The following UGT2A1 variants were observed in gnomAD, a reference collection of about 807,000 sequenced individuals.
UGT2A1 encodes the protein UDP-glucuronosyltransferase 2A1.
A neutral mutation model predicts 45.4 loss-of-function variants in UGT2A1; 61 were observed. The ratio of observed to expected loss-of-function variants is 1.34; its 90% confidence interval spans 1.09 to 1.66. The LOEUF (loss-of-function observed/expected upper bound fraction) is 1.66. Among genes scored for constraint, UGT2A1 ranks in the 40% most tolerant of loss-of-function variants. The pLI is 0.00. For missense variants in UGT2A1, 649 were observed against 574.3 expected, an observed-to-expected ratio of 1.13 and a Z score of -1.33; for synonymous variants, 229 against 196.2, an observed-to-expected ratio of 1.17 and a Z score of -1.40.
At chr4:69,638,873 T>G in intron 2 of UGT2A1, 1 of 1,523,398 alleles carries the variant, frequency 6.6e-7, no homozygotes, top group East Asian at 2.3e-5. Context: ...TGTGGAGTCA[T>G]TAAAAAGAGA....
At chr4:69,593,746 A>C (rs1718720660) in intron 6 of UGT2A1, among the ~76,000 whole-genome samples, 1 of 151,780 alleles carries the variant, frequency 6.6e-6, no homozygotes, top group African/African-American at 2.4e-5. Context: ...TACATATACT[A>C]ATTAAAGGTA....
intron 3 of UGT2A1, among the ~76,000 whole-genome samples, chr4:69,603,052 G>A (rs1414178029): frequency 7.4e-6 from 1 of 135,266 alleles, no homozygotes; most frequent in Non-Finnish European, 1.6e-5. Flanking sequence ...GGGTGACAGA[G>A]AGAGACTCCA....
At chr4:69,628,823 C>G (rs1030812318) in intron 3 of UGT2A1, among the ~76,000 whole-genome samples, 1 of 150,626 alleles carries the variant, frequency 6.6e-6, no homozygotes, top group Non-Finnish European at 1.5e-5. Context: ...AGAAAAAAGA[C>G]CGCCACAACT....
At chr4:69,600,563 C>T (rs888937929) in intron 3 of UGT2A1, among the ~76,000 whole-genome samples, 1 of 152,170 alleles carries the variant, frequency 6.6e-6, no homozygotes, top group Non-Finnish European at 1.5e-5. Flanking sequence ...GTTTCCATCT[C>T]AGTGGGTGTG....
intron 3 of UGT2A1, among the ~76,000 whole-genome samples, chr4:69,631,951 A>T (rs1721412363): frequency 6.6e-6 from 1 of 152,232 alleles, no homozygotes; most frequent in African/African-American, 2.4e-5. Flanking sequence ...TTCCAAAATA[A>T]TATCATTAAA....
Position 69,589,085 on chromosome 4 carries a change from A to T in UGT2A1, c.*287T>A. ...AATAATTTGATACTATGAATAGAAC[A>T]TATTTAAAATTAGGTAGTATCCTTG... On this transcript the variant is annotated 3_prime_UTR_variant, in exon 7 of 7. Transcript: ENST00000286604. 1 of 247,704 alleles carries T rather than the reference A, an allele frequency of 4.0e-6. No homozygotes were observed. The highest frequency in any genetic ancestry group is 7.8e-6 in the Non-Finnish European group (1 of 129,028). 15.3% of individuals were successfully genotyped at this position (247,704 alleles called of 1,614,324 possible). A position where few individuals can be genotyped will look rare whatever the true frequency, so the allele number is the denominator to read the frequency against.
intron 2 of UGT2A1, among the ~76,000 whole-genome samples, chr4:69,642,076 C>T (rs2331685): frequency 0.37 from 55,774 of 151,342 alleles, 10,739 homozygotes; most frequent in African/African-American, 0.44. Flanking sequence ...AAGTGATAGG[C>T]TATTAACAAT....
chr4:69,635,871 A>C (rs1300047857), intron 2 of UGT2A1, 49 bp from the exon 3 acceptor site: 1 of 148,308 alleles, frequency 6.7e-6, no homozygotes, highest in Admixed American at 6.9e-5. Context: ...GAGAGAAATA[A>C]GGTTCAGTTA....
At chr4:69,624,372 T>G (rs1382952696) in intron 3 of UGT2A1, among the ~76,000 whole-genome samples, 1 of 151,448 alleles carries the variant, frequency 6.6e-6, no homozygotes, top group East Asian at 1.9e-4. Context: ...TTTCTTAAGA[T>G]AGCACAGAGT....
intron 3 of UGT2A1, among the ~76,000 whole-genome samples, chr4:69,634,483 A>G (rs1721569044): frequency 6.6e-6 from 1 of 152,152 alleles, no homozygotes; most frequent in African/African-American, 2.4e-5. Flanking sequence ...TATAGTTGAA[A>G]TACAAATAAT....
chr4:69,639,296 A>G (rs752007046), intron 2 of UGT2A1: 2 of 1,613,742 alleles, frequency 1.2e-6, no homozygotes, highest in South Asian at 1.1e-5. Flanking sequence ...CTTTGTAGAA[A>G]GCCCATATTG....
Position 69,589,186 on chromosome 4 carries a change from G to A in UGT2A1, c.*186C>T. The stretch of plus-strand genomic sequence containing the variant: ...AAAAATAGAAGACTATAACTCACAA[G>A]TTAATAATAATCATGCCAAAATCTA... On this transcript the variant is annotated 3_prime_UTR_variant, in exon 7 of 7. Coordinates refer to ENST00000286604, the MANE Select transcript of UGT2A1 (RefSeq NM_001252275.3). The A allele has an allele frequency of 1.4e-6, 1 of 730,924 alleles. No individual in the cohort carries two copies. 45.3% of individuals were successfully genotyped at this position (730,924 alleles called of 1,614,324 possible). A position where few individuals can be genotyped will look rare whatever the true frequency, so the allele number is the denominator to read the frequency against.
intron 2 of UGT2A1, among the ~76,000 whole-genome samples, chr4:69,636,350 G>C (rs1489133896): frequency 2.0e-5 from 3 of 152,080 alleles, no homozygotes; most frequent in Admixed American, 1.3e-4. Context: ...TTTTGTTTGT[G>C]ATGGCAAACA....
intron 4 of UGT2A1, among the ~76,000 whole-genome samples, 177 bp downstream of exon 4, chr4:69,599,069 T>C (rs549992117): frequency 6.6e-6 from 1 of 152,302 alleles, no homozygotes; most frequent in African/African-American, 2.4e-5. Context: ...ATTGTCAATG[T>C]AAAGTTCAAA....
chr4:69,589,381 T>A lies in UGT2A1; in HGVS notation c.1575A>T (p.Lys525Asn), dbSNP rs149043863. The change falls in exon 7 of 7, where the codon AAA (lysine) becomes AAT (asparagine). Residue 525 changes from lysine (K) to asparagine (N), a missense_variant. Coordinates refer to ENST00000286604, the MANE Select transcript of UGT2A1 (RefSeq NM_001252275.3). ...TCCTCTTTTTCTTGACCTATTCTCT[T>A]TTTTTCTTCTTTCCTATCTTACCAA... Reference protein sequence around the residue: ...QKFGKIGKKKKRE With the variant: ...QKFGKIGKKKNRE 2.0e-5 allele frequency: 33 copies of A among 1,611,054 alleles called. No homozygotes were observed. The African/African-American group carries it at 3.6e-4, about 18-fold the overall frequency.
At chr4:69,634,641 A>G (rs1721576569) in intron 3 of UGT2A1, among the ~76,000 whole-genome samples, 1 of 152,192 alleles carries the variant, frequency 6.6e-6, no homozygotes, top group Admixed American at 6.5e-5. Flanking sequence ...ATATTTTACC[A>G]TATTGGCGGA....
rs1395087800 is a variant in UGT2A1, at chr4:69,594,601, A to G, written c.1180T>C (p.Phe394Leu). The change falls in exon 6 of 7, where the codon TTT (phenylalanine) becomes CTT (leucine). Residue 394 changes from phenylalanine to leucine, a missense_variant. Physicochemically the swap from Phe to Leu is conservative, Grantham distance 22 (BLOSUM62 0). Coordinates refer to ENST00000286604, the MANE Select transcript of UGT2A1 (RefSeq NM_001252275.3). Reference sequence around the variant, plus strand: ...GCAATGTTATCAGGCTGATCAGCAAACATGGGAACTCCCACCATAGGGACT... The same window carrying G: ...GCAATGTTATCAGGCTGATCAGCAAGCATGGGAACTCCCACCATAGGGACT... ...HGVPMVGVPM[F>L]ADQPDNIAHM... 6.2e-7 allele frequency: 1 copy of G among 1,614,152 alleles called. No homozygotes were observed. Among genetic ancestry groups the G allele is most frequent in the South Asian group, 1.1e-5 (1 of 91,082 alleles).
At chr4:69,638,929 C>A in intron 2 of UGT2A1, 4 of 1,604,644 alleles carry the variant, frequency 2.5e-6, no homozygotes, top group Non-Finnish European at 3.4e-6. Flanking sequence ...GAATTCCATT[C>A]TCCCCAGTAG....
chr4:69,603,926 C>G (rs954065825), intron 3 of UGT2A1, among the ~76,000 whole-genome samples: 1 of 135,788 alleles, frequency 7.4e-6, no homozygotes, highest in South Asian at 2.4e-4. Flanking sequence ...GTGAAAAGAC[C>G]AAATCTACGT....
Sources: gnomAD v4.1 joint callset for allele counts (sites outside exome capture counted in the v4.1 genomes callset) on GRCh38, gnomAD v4.1.1 for gene constraint, MANE v1.5 for transcripts, NCBI Gene and HGNC (gene_info 2026-07-23, HGNC 2026-07-21) for gene names.